Variants in PRKCH observed in about 807,000 individuals in gnomAD.
The protein encoded by PRKCH is protein kinase C eta, also known as protein kinase C eta type.
Under a neutral mutation model 82.5 loss-of-function variants are expected in PRKCH, and 28 were observed. The observed-to-expected ratio is 0.34, with a 90% CI of 0.25 to 0.47. PRKCH has a LOEUF of 0.47. Ranked by LOEUF, PRKCH falls within the 20% of genes least tolerant of loss-of-function variation. The pLI, the probability that PRKCH is intolerant of heterozygous loss-of-function variation, is 1.00. For synonymous variants in PRKCH, 322 were observed against 327.4 expected (o/e 0.98, Z 0.18); for missense variants, 705 against 881.8 (o/e 0.80, Z 2.54).
At chr14:61,425,176 C>T (rs1333065810) in intron 2 of PRKCH, among the ~76,000 whole-genome samples, 1 of 152,230 alleles carries the variant, frequency 6.6e-6, no homozygotes, top group African/African-American at 2.4e-5. Context: ...CACAGAGACC[C>T]CACCGTGGCA....
At chr14:61,431,075 A>C (rs1237425002) in intron 2 of PRKCH, among the ~76,000 whole-genome samples, 1 of 152,192 alleles carries the variant, frequency 6.6e-6, no homozygotes, top group Non-Finnish European at 1.5e-5. Context: ...TCCTCATAGG[A>C]TCTCAGGCGT....
chr14:61,548,782 G>T (rs1164115311), intron 13 of PRKCH, among the ~76,000 whole-genome samples: 3 of 148,204 alleles, frequency 2.0e-5, no homozygotes, highest in Admixed American at 1.4e-4. Context: ...AGGATTGCTT[G>T]AACCTAGGAG....
At chr14:61,406,672 T>A (rs1881968511) in intron 2 of PRKCH, among the ~76,000 whole-genome samples, 1 of 152,200 alleles carries the variant, frequency 6.6e-6, no homozygotes, top group African/African-American at 2.4e-5. Context: ...AGTGTTTGGG[T>A]TCCAGTGGCA....
At position 61,386,051 on chromosome 14, in the gene PRKCH, T is replaced by A. The variant is rs1223577363; in HGVS notation, c.364-5174T>A. Among the ~76,000 whole-genome samples, 11 of 152,336 alleles carry A rather than the reference T, an allele frequency of 7.2e-5. No homozygotes were observed. The South Asian group carries it at 2.3e-3, about 32-fold the overall frequency. On this transcript the variant is annotated intron_variant, in intron 1 of 13. Transcript: ENST00000332981. ...TAGGCAATAAGCTACAGATGGGTAA[T>A]GTGTAATTTTCATAATTTTGACTAT...
chr14:61,416,053 CTTTT>C (rs71117815), intron 2 of PRKCH, among the ~76,000 whole-genome samples: 1,807 of 94,076 alleles, frequency 0.019, 28 homozygotes, highest in African/African-American at 0.071. Context: ...CTTTTCTTTT[CTTTT>C]TTTTTTTTTT....
chr14:61,455,137 C>T (rs2140292586), intron 7 of PRKCH, among the ~76,000 whole-genome samples: 1 of 151,854 alleles, frequency 6.6e-6, no homozygotes, highest in South Asian at 2.1e-4. Context: ...TCACGCCATT[C>T]TCCTGCCTCA....
At chr14:61,291,715 TG>T (rs781314013) in intron 1 of PRKCH, among the ~76,000 whole-genome samples, 1 of 152,178 alleles carries the variant, frequency 6.6e-6, no homozygotes, top group Non-Finnish European at 1.5e-5. Flanking sequence ...CTATATTTCT[TG>T]TAATTGGAGT....
chr14:61,371,590 A>T (rs960108966), intron 1 of PRKCH, among the ~76,000 whole-genome samples: 1 of 152,092 alleles, frequency 6.6e-6, no homozygotes, highest in Non-Finnish European at 1.5e-5. Context: ...ACAGGCAGGC[A>T]TAGTACCACA....
At chr14:61,466,064 A>C (rs1804426911) in intron 9 of PRKCH, among the ~76,000 whole-genome samples, 1 of 152,206 alleles carries the variant, frequency 6.6e-6, no homozygotes, top group Admixed American at 6.5e-5. Flanking sequence ...TATCCAAGTC[A>C]GGTTCTGCCC....
intron 10 of PRKCH, among the ~76,000 whole-genome samples, chr14:61,500,065 T>C (rs1216556524): frequency 6.6e-6 from 1 of 150,434 alleles, no homozygotes; most frequent in South Asian, 2.1e-4. Flanking sequence ...ATCCATGTTA[T>C]TAGGCATTCT....
chr14:61,215,741 A>G (rs1209379132), intron 1 of PRKCH, among the ~76,000 whole-genome samples: 1 of 152,222 alleles, frequency 6.6e-6, no homozygotes. Context: ...TCGATAGAAG[A>G]GTACGACCCT....
At chr14:61,251,965 G>A (rs111864432) in intron 1 of PRKCH, among the ~76,000 whole-genome samples, 3 of 151,970 alleles carry the variant, frequency 2.0e-5, no homozygotes, top group African/African-American at 7.2e-5. Flanking sequence ...TCAGCCTCCT[G>A]AGTAGCTGGG....
Position 61,445,673 on chromosome 14 carries a change from G to A in PRKCH, c.579-19G>A. 5.6e-6 allele frequency: 9 copies of A among 1,604,108 alleles called. No individual in the cohort carries two copies. The highest frequency in any genetic ancestry group is 7.7e-6 in the Non-Finnish European group (9 of 1,171,000). ...TTGCTGAAATACTTGACTGATGGTA[G>A]TTTTCTTCTCTTCAACAGGGGAGTG... On this transcript the variant is annotated intron_variant, in intron 3 of 13. Coordinates refer to ENST00000332981, the MANE Select transcript of PRKCH (RefSeq NM_006255.5).
intron 2 of PRKCH, among the ~76,000 whole-genome samples, chr14:61,408,549 C>T (rs996513278): frequency 5.3e-5 from 8 of 152,090 alleles, no homozygotes; most frequent in Non-Finnish European, 1.2e-4. Context: ...TTCCTTGCTG[C>T]GTGACCTTAA....
chr14:61,226,118 C>A (rs751852524), intron 1 of PRKCH, among the ~76,000 whole-genome samples: 1 of 152,176 alleles, frequency 6.6e-6, no homozygotes, highest in East Asian at 1.9e-4. Context: ...TAAGTTATAG[C>A]ACAGTCTTAA....
chr14:61,542,221 G>A (rs541270602), intron 12 of PRKCH, among the ~76,000 whole-genome samples: 106 of 151,714 alleles, frequency 7.0e-4, no homozygotes, highest in African/African-American at 2.5e-3. Flanking sequence ...ACCTGGGAGG[G>A]GGAGGTTGCA....
chr14:61,302,196 A>G (rs997125543), intron 1 of PRKCH, among the ~76,000 whole-genome samples: 2 of 152,242 alleles, frequency 1.3e-5, no homozygotes, highest in African/African-American at 4.8e-5. Context: ...ATTAATAACT[A>G]TGTGATCTGT....
intron 2 of PRKCH, among the ~76,000 whole-genome samples, chr14:61,434,683 T>G (rs574650406): frequency 1.1e-4 from 16 of 152,246 alleles, no homozygotes; most frequent in African/African-American, 3.9e-4. Context: ...AAGACTATTG[T>G]AAACATTTTC....
chr14:61,271,381 A>C (rs1028891083), intron 1 of PRKCH, among the ~76,000 whole-genome samples: 4 of 152,196 alleles, frequency 2.6e-5, no homozygotes, highest in Admixed American at 6.5e-5. Flanking sequence ...CTGGTAGGTC[A>C]AGTGAAATCC....
Sources: gnomAD v4.1 joint callset for allele counts (sites outside exome capture counted in the v4.1 genomes callset) on GRCh38, gnomAD v4.1.1 for gene constraint, MANE v1.5 for transcripts, NCBI Gene and HGNC (gene_info 2026-07-23, HGNC 2026-07-21) for gene names.